The following HFM1 variants were observed in gnomAD, a reference collection of about 807,000 sequenced individuals.
HFM1 encodes the protein probable ATP-dependent DNA helicase HFM1.
In HFM1, 169 loss-of-function variants were observed where a neutral mutation model predicts 192.1. The observed-to-expected ratio is 0.88, with a 90% CI of 0.78 to 1.00. HFM1 has a LOEUF of 1.00. HFM1 is among the 50% of genes least tolerant of loss of function. The pLI is 0.00. For synonymous variants in HFM1, 525 were observed against 537.8 expected (o/e 0.98, Z 0.33); for missense variants, 1,661 against 1,668.0 (o/e 1.00, Z 0.07).
At position 91,387,913 on chromosome 1, in the gene HFM1, TAATTAAAAAAAAAA is replaced by T. The variant is rs971736788; in HGVS notation, c.495-2093_495-2080del. On this transcript the variant is annotated intron_variant, in intron 4 of 38. Transcript: ENST00000370425. ...CACATGTACCCTAAAACTTAGAGTATAATTAAAAAAAAAAAATTAAAAAAAAAAAAAAAAGATTT... is the reference window on the plus strand; with the variant it reads ...CACATGTACCCTAAAACTTAGAGTATAATTAAAAAAAAAAAAAAAAGATTT... 2.9e-4 allele frequency among the ~76,000 whole-genome samples: 25 copies of T among 87,462 alleles called. No homozygotes were observed. In the South Asian group the frequency reaches 6.4e-3, roughly 22 times the overall value. 57.4% of individuals were successfully genotyped at this position (87,462 alleles called of 152,430 possible). A position where few individuals can be genotyped will look rare whatever the true frequency, so the allele number is the denominator to read the frequency against.
At chr1:91,311,727 T>A (rs549809502) in intron 30 of HFM1, among the ~76,000 whole-genome samples, 26 of 152,216 alleles carry the variant, frequency 1.7e-4, no homozygotes, top group Middle Eastern at 3.4e-3. Flanking sequence ...GAAATTTGCA[T>A]AAGTAGCAAG....
Position 91,315,815 on chromosome 1 carries a change from G to C in HFM1, c.3140C>G (p.Thr1047Arg). 6.3e-7 allele frequency: 1 copy of C among 1,595,526 alleles called. No homozygotes were observed. Among genetic ancestry groups the C allele is most frequent in the Non-Finnish European group, 8.5e-7 (1 of 1,169,870 alleles). ...DNQVVYLHKI[T>R]DSVLLKAGSW... ...CAAACATCAGAAATTTCACACTTAC[G>C]TAATCTTGTGCAGATAAACTACTTG... is the stretch of plus-strand genomic sequence containing the variant. The change falls in exon 28 of 39, where the codon ACG becomes AGG. Residue 1047 changes from threonine to arginine, a missense_variant and splice_region_variant. By Grantham distance (71) the Thr-to-Arg change is moderately conservative. Transcript: ENST00000370425.
At chr1:91,299,954 T>G (rs985206624) in intron 30 of HFM1, among the ~76,000 whole-genome samples, 7 of 151,812 alleles carry the variant, frequency 4.6e-5, no homozygotes, top group African/African-American at 7.2e-5. Flanking sequence ...CTGAAGGAAA[T>G]AGAGACACAA....
At chr1:91,340,048 C>G (rs568015460) in intron 20 of HFM1, among the ~76,000 whole-genome samples, 1 of 152,244 alleles carries the variant, frequency 6.6e-6, no homozygotes, top group South Asian at 2.1e-4. Flanking sequence ...CTCTGTCACC[C>G]AGGATGGATG....
rs527428539 is a variant in HFM1 at position 91,320,763 on chromosome 1, T to C, written c.2583-1373A>G. Among the ~76,000 whole-genome samples the C allele has an allele frequency of 3.3e-5, 5 of 152,206 alleles. No homozygotes were observed. The East Asian group carries it at 9.7e-4, about 29-fold the overall frequency. On this transcript the variant is annotated intron_variant, in intron 23 of 38. Transcript: ENST00000370425. Reference sequence around the variant, plus strand: ...CCAGATAAGGCAAGCAGTGATGTCCTATGATCTTACCCCTGAGCTTGTCCT... The same window carrying C: ...CCAGATAAGGCAAGCAGTGATGTCCCATGATCTTACCCCTGAGCTTGTCCT...
chr1:91,317,648 C>T (rs1012563902), intron 25 of HFM1, among the ~76,000 whole-genome samples: 1 of 152,142 alleles, frequency 6.6e-6, no homozygotes, highest in Non-Finnish European at 1.5e-5. Flanking sequence ...TATTTCCTTA[C>T]TCATATATTT....
intron 20 of HFM1, among the ~76,000 whole-genome samples, chr1:91,325,887 C>A (rs113866735): frequency 0.1 from 15,600 of 151,994 alleles, 893 homozygotes; most frequent in Middle Eastern, 0.16. Flanking sequence ...AGAATTCTAT[C>A]AGATAAATTT....
At chr1:91,298,355 A>G (rs978525892) in intron 30 of HFM1, among the ~76,000 whole-genome samples, 4 of 152,252 alleles carry the variant, frequency 2.6e-5, no homozygotes, top group Non-Finnish European at 5.9e-5. Context: ...CCAAGTTGGA[A>G]AACGCTCTGC....
chr1:91,286,748 C>T (rs557740350), intron 30 of HFM1, among the ~76,000 whole-genome samples: 3 of 152,272 alleles, frequency 2.0e-5, no homozygotes, highest in African/African-American at 4.8e-5. Context: ...TCTGAGGTAC[C>T]GGGTTCATCT....
intron 2 of HFM1, among the ~76,000 whole-genome samples, chr1:91,399,146 A>C (rs1664017977): frequency 1.3e-5 from 2 of 152,104 alleles, no homozygotes; most frequent in Admixed American, 1.3e-4. Context: ...TGTTCTAGGC[A>C]CTAGAGCTTA....
chr1:91,264,685 GAAAT>G (rs752541135), intron 36 of HFM1, among the ~76,000 whole-genome samples: 2 of 151,894 alleles, frequency 1.3e-5, no homozygotes, highest in African/African-American at 2.4e-5. Context: ...TTAAAGCAGA[GAAAT>G]AAATAATCCT....
At chr1:91,293,663 T>G (rs2100961150) in intron 30 of HFM1, among the ~76,000 whole-genome samples, 1 of 151,776 alleles carries the variant, frequency 6.6e-6, no homozygotes, top group Admixed American at 6.6e-5. Context: ...GATCTAGAAC[T>G]AGAAATACCA....
At chr1:91,272,583 T>C (rs1413142607) in intron 34 of HFM1, among the ~76,000 whole-genome samples, 2 of 151,986 alleles carry the variant, frequency 1.3e-5, no homozygotes, top group African/African-American at 4.8e-5. Context: ...AATAATGTAG[T>C]AATATAAGGA....
At chr1:91,297,801 C>G (rs1348750409) in intron 30 of HFM1, among the ~76,000 whole-genome samples, 1 of 152,176 alleles carries the variant, frequency 6.6e-6, no homozygotes, top group African/African-American at 2.4e-5. Flanking sequence ...TCGTCACCAT[C>G]ATCAAAGACC....
intron 13 of HFM1, among the ~76,000 whole-genome samples, chr1:91,374,524 T>G (rs1660670469): frequency 6.6e-6 from 1 of 152,136 alleles, no homozygotes; most frequent in Non-Finnish European, 1.5e-5. Context: ...TTGAGATATA[T>G]TTAGAAGTAA....
At chr1:91,406,650 C>T (rs1261003922), upstream of HFM1, among the ~76,000 whole-genome samples, 2 of 152,146 alleles carry the variant, frequency 1.3e-5, no homozygotes, top group African/African-American at 4.8e-5. Flanking sequence ...ACAACCAGTG[C>T]AACAATGTCA....
chr1:91,386,246 G>T (rs1303948260), intron 4 of HFM1, among the ~76,000 whole-genome samples: 1 of 152,174 alleles, frequency 6.6e-6, no homozygotes, highest in Non-Finnish European at 1.5e-5. Flanking sequence ...ACTCTGTGGA[G>T]AGCTAGTCAC....
Position 91,379,139 on chromosome 1 carries a change from C to A in HFM1, c.1082G>T (p.Cys361Phe). Residue 361 changes from cysteine (C) to phenylalanine (F), a missense_variant, in exon 9 of 39, where the codon TGT (cysteine) becomes TTT (phenylalanine). Cys to Phe is a radical substitution (Grantham distance 205). Transcript: ENST00000370425. The stretch of plus-strand genomic sequence containing the variant: ...TACTGTATCTCCAGTAAGTTCTTTA[C>A]AATTCAATCCTATTGGTCCAAATTT... ...KEKFGPIGLN[C>F]KELTGDTVMD... 6.2e-7 allele frequency: 1 copy of A among 1,608,174 alleles called. No homozygotes were observed. The highest frequency in any genetic ancestry group is 1.1e-5 in the South Asian group (1 of 90,294).
At chr1:91,350,583 T>C (rs1489232955) in intron 18 of HFM1, among the ~76,000 whole-genome samples, 155 bp downstream of exon 18, 2 of 152,164 alleles carry the variant, frequency 1.3e-5, no homozygotes, top group Non-Finnish European at 2.9e-5. Flanking sequence ...TCTCAGCTTG[T>C]CTACTCTTGT....
Sources: gnomAD v4.1 joint callset for allele counts (sites outside exome capture counted in the v4.1 genomes callset) on GRCh38, gnomAD v4.1.1 for gene constraint, MANE v1.5 for transcripts, NCBI Gene and HGNC (gene_info 2026-07-23, HGNC 2026-07-21) for gene names.